CFTR: variants seen among roughly 807,000 people sequenced by gnomAD.
CFTR encodes CF transmembrane conductance regulator.
A neutral mutation model predicts 171.6 loss-of-function variants in CFTR; 181 were observed. That is an observed-to-expected ratio of 1.05 (90% CI 0.93 to 1.19). The LOEUF (loss-of-function observed/expected upper bound fraction) is 1.19, where lower values mean the gene tolerates loss of function less well. Ranked by LOEUF, CFTR falls within the 50% of genes most tolerant of loss-of-function variation. The pLI, the probability that CFTR is intolerant of heterozygous loss-of-function variation, is 0.00. For missense variants in CFTR, 1,968 were observed against 1,734.7 expected, an observed-to-expected ratio of 1.13 and a Z score of -2.39; for synonymous variants, 583 against 608.0, an observed-to-expected ratio of 0.96 and a Z score of 0.60.
At chr7:117,499,881 C>G (rs956687882) in intron 1 of CFTR, among the ~76,000 whole-genome samples, 1 of 152,018 alleles carries the variant, frequency 6.6e-6, no homozygotes, top group Non-Finnish European at 1.5e-5. Flanking sequence ...ATGTAAAAGT[C>G]TGTCGTCAAT....
chr7:117,654,081 G>A (rs1302166512), intron 24 of CFTR, among the ~76,000 whole-genome samples: 1 of 152,164 alleles, frequency 6.6e-6, no homozygotes, highest in East Asian at 1.9e-4. Context: ...GACACACTGG[G>A]GTGGAGGCTC....
intron 26 of CFTR, 43 bp from the exon 27 acceptor site, chr7:117,666,865 A>G: frequency 1.3e-6 from 2 of 1,571,712 alleles, no homozygotes; most frequent in Non-Finnish European, 1.8e-6. Context: ...CTCTGGTCTG[A>G]CCTGCCTTCT....
intron 9 of CFTR, among the ~76,000 whole-genome samples, chr7:117,545,490 A>G (rs1319925092): frequency 6.6e-6 from 1 of 151,966 alleles, no homozygotes; most frequent in Non-Finnish European, 1.5e-5. Flanking sequence ...TATGTTTCCA[A>G]ATTTCCTGCG....
intron 11 of CFTR, among the ~76,000 whole-genome samples, chr7:117,567,691 G>A (rs895726328): frequency 6.6e-6 from 1 of 152,122 alleles, no homozygotes; most frequent in African/African-American, 2.4e-5. Context: ...ATATTTGGGG[G>A]GCAAAGATAT....
Position 117,667,110 on chromosome 7 carries a change from GA to G in CFTR, c.*3del. On this transcript the variant is annotated 3_prime_UTR_variant, in exon 27 of 27. Transcript: ENST00000003084. ...GAGGTGCAAGATACAAGGCTTTAGA[GA>G]GCAGCATAAATGTTGACATGGGACA... The G allele has an allele frequency of 6.2e-7, 1 of 1,613,544 alleles. No individual in the cohort carries two copies. Among genetic ancestry groups the G allele is most frequent in the Non-Finnish European group, 8.5e-7 (1 of 1,179,636 alleles).
chr7:117,554,092 T>A (rs1799313580), intron 10 of CFTR, among the ~76,000 whole-genome samples: 1 of 152,126 alleles, frequency 6.6e-6, no homozygotes, highest in Non-Finnish European at 1.5e-5. Flanking sequence ...CTGGGTGAGA[T>A]TAGAGGCCAC....
chr7:117,510,301 G>A (rs560303657), intron 3 of CFTR, among the ~76,000 whole-genome samples: 2 of 152,194 alleles, frequency 1.3e-5, no homozygotes, highest in Non-Finnish European at 2.9e-5. Flanking sequence ...CCAGAGCTTT[G>A]AGAAACAATT....
intron 23 of CFTR, among the ~76,000 whole-genome samples, chr7:117,649,421 T>C (rs545295206): frequency 6.7e-6 from 1 of 149,436 alleles, no homozygotes; most frequent in Non-Finnish European, 1.5e-5. Flanking sequence ...TATATACATA[T>C]GTATATATAC....
rs150757811 is a variant in CFTR, at chr7:117,534,473, C to G, written c.579+108C>G. 135 of 708,964 alleles carry G rather than the reference C, an allele frequency of 1.9e-4. 1 individual carries two copies. The highest frequency in any genetic ancestry group is 1.4e-3 in the African/African-American group (83 of 57,320). 43.9% of individuals were successfully genotyped at this position (708,964 alleles called of 1,614,324 possible). On this transcript the variant is annotated intron_variant, in intron 5 of 26. Transcript: ENST00000003084. ...AATAGTAATTAGTGGTTAAGTCTTG[C>G]TCAGCTCTAGCTTCCCTATTCTGGA...
chr7:117,595,671 C>A (rs183543443), intron 15 of CFTR, among the ~76,000 whole-genome samples: 300 of 151,960 alleles, frequency 2.0e-3, no homozygotes, highest in African/African-American at 6.7e-3. Context: ...ATTGCTTGAG[C>A]CCAGGGGTCA....
chr7:117,504,427 G>T, intron 2 of CFTR, 64 bp downstream of exon 2: 1 of 862,332 alleles, frequency 1.2e-6, no homozygotes, highest in Non-Finnish European at 1.9e-6. Flanking sequence ...TTAGAGAAGA[G>T]AAAGCAAACA....
chr7:117,554,110 T>C (rs1799313848), intron 10 of CFTR, among the ~76,000 whole-genome samples: 1 of 151,270 alleles, frequency 6.6e-6, no homozygotes, highest in Non-Finnish European at 1.5e-5. Flanking sequence ...CACTGGAGAG[T>C]TTTAAACAGA....
At chr7:117,589,238 A>T (rs1038076414) in intron 12 of CFTR, among the ~76,000 whole-genome samples, 2 of 152,044 alleles carry the variant, frequency 1.3e-5, no homozygotes, top group African/African-American at 4.8e-5. Context: ...TGTGGGGAAG[A>T]AACTGTGTAC....
At position 117,536,655 on chromosome 7, in the gene CFTR, T is replaced by G; in HGVS notation, c.851T>G (p.Met284Arg). 1 of 1,611,676 alleles carries G rather than the reference T, an allele frequency of 6.2e-7. No individual in the cohort carries two copies. The highest frequency in any genetic ancestry group is 8.5e-7 in the Non-Finnish European group (1 of 1,179,112). Residue 284 changes from methionine (M) to arginine (R), a missense_variant, in exon 7 of 27, where the codon ATG becomes AGG. Coordinates refer to ENST00000003084, the MANE Select transcript of CFTR (RefSeq NM_000492.4). ...AYCWEEAMEK[M>R]IENLRQTELK... Reference sequence around the variant, plus strand: ...TGCTGGGAAGAAGCAATGGAAAAAATGATTGAAAACTTAAGACAGTAAGTT... The same window carrying G: ...TGCTGGGAAGAAGCAATGGAAAAAAGGATTGAAAACTTAAGACAGTAAGTT...
intron 23 of CFTR, among the ~76,000 whole-genome samples, chr7:117,646,935 G>A (rs1460620104): frequency 6.6e-6 from 1 of 152,012 alleles, no homozygotes; most frequent in Non-Finnish European, 1.5e-5. Context: ...GTATAAAAAG[G>A]TTGTAAAGCA....
At chr7:117,656,354 G>T (rs746506727) in intron 24 of CFTR, among the ~76,000 whole-genome samples, 2 of 152,118 alleles carry the variant, frequency 1.3e-5, no homozygotes, top group Non-Finnish European at 2.9e-5. Context: ...TTTCGAAGTC[G>T]CCAGGAATCG....
At chr7:117,532,126 C>T (rs1237415833) in intron 4 of CFTR, among the ~76,000 whole-genome samples, 1 of 151,118 alleles carries the variant, frequency 6.6e-6, no homozygotes, top group Non-Finnish European at 1.5e-5. Context: ...ACCTCAGCTA[C>T]AATCTCATCA....
chr7:117,530,353 C>A (rs1798838709), intron 3 of CFTR, among the ~76,000 whole-genome samples: 1 of 152,148 alleles, frequency 6.6e-6, no homozygotes, highest in Non-Finnish European at 1.5e-5. Context: ...CCTTGAGAAG[C>A]TAAGTTCATT....
At chr7:117,481,966 AG>A (rs1356782242) in intron 1 of CFTR, among the ~76,000 whole-genome samples, 1 of 152,200 alleles carries the variant, frequency 6.6e-6, no homozygotes. Flanking sequence ...AGACTGTCAT[AG>A]GGGTTAATCC....
Sources: gnomAD v4.1 joint callset for allele counts (sites outside exome capture counted in the v4.1 genomes callset) on GRCh38, gnomAD v4.1.1 for gene constraint, MANE v1.5 for transcripts, NCBI Gene and HGNC (gene_info 2026-07-23, HGNC 2026-07-21) for gene names.